SLC30A8: variants seen among roughly 807,000 people sequenced by gnomAD.
The protein encoded by SLC30A8 is solute carrier family 30 member 8.
In SLC30A8, 27 loss-of-function variants were observed where a neutral mutation model predicts 36.9. The ratio of observed to expected loss-of-function variants is 0.73; its 90% confidence interval spans 0.54 to 1.01. The LOEUF (loss-of-function observed/expected upper bound fraction) is 1.01. Among genes scored for constraint, SLC30A8 ranks in the 50% least tolerant of loss-of-function variants. SLC30A8 has a pLI of 0.00. For synonymous variants in SLC30A8, 164 were observed against 172.4 expected, an observed-to-expected ratio of 0.95 and a Z score of 0.38; for missense variants, 439 against 452.0, an observed-to-expected ratio of 0.97 and a Z score of 0.26.
At chr8:117,137,596 A>T (rs1821421700) in intron 1 of SLC30A8, among the ~76,000 whole-genome samples, 1 of 151,970 alleles carries the variant, frequency 6.6e-6, no homozygotes, top group Non-Finnish European at 1.5e-5. Context: ...AAGGTTTAAG[A>T]TGGCTTCACT....
chr8:117,071,938 C>T (rs1324630777), intron 2 of SLC30A8, among the ~76,000 whole-genome samples: 1 of 152,034 alleles, frequency 6.6e-6, no homozygotes, highest in African/African-American at 2.4e-5. Flanking sequence ...AGCCTATCTC[C>T]CACCCTTCTC....
At chr8:117,021,063 C>T (rs1816681291) in intron 1 of SLC30A8, among the ~76,000 whole-genome samples, 1 of 152,062 alleles carries the variant, frequency 6.6e-6, no homozygotes, top group Non-Finnish European at 1.5e-5. Context: ...ATTTTAGTTG[C>T]CTGTTTTTTA....
chr8:117,159,359 C>T (rs1485940085), intron 4 of SLC30A8, among the ~76,000 whole-genome samples: 1 of 152,134 alleles, frequency 6.6e-6, no homozygotes, highest in Non-Finnish European at 1.5e-5. Flanking sequence ...AAGTTTTAAA[C>T]AGTGGATTTT....
intron 2 of SLC30A8, among the ~76,000 whole-genome samples, chr8:117,098,790 G>A (rs1029309521): frequency 6.6e-6 from 1 of 152,128 alleles, no homozygotes; most frequent in African/African-American, 2.4e-5. Context: ...TAGCTCAGCA[G>A]CAAAAAAGAT....
chr8:117,089,002 T>C (rs952596809), intron 2 of SLC30A8, among the ~76,000 whole-genome samples: 2 of 152,254 alleles, frequency 1.3e-5, no homozygotes, highest in Non-Finnish European at 2.9e-5. Context: ...ATTCTTATCC[T>C]ACTTGTCCTC....
At chr8:116,988,770 T>C (rs753594994) in intron 1 of SLC30A8, among the ~76,000 whole-genome samples, 7 of 152,214 alleles carry the variant, frequency 4.6e-5, no homozygotes, top group Non-Finnish European at 1.0e-4. Context: ...GATAAGTATT[T>C]TTAGACCAGC....
rs186376627 is a variant in SLC30A8 at position 117,056,612 on chromosome 8, G to A, written c.-226+17354G>A. 2.8e-3 allele frequency among the ~76,000 whole-genome samples: 429 copies of A among 152,250 alleles called. 3 individuals are homozygous for A. The highest frequency in any genetic ancestry group is 5.0e-3 in the Non-Finnish European group (341 of 67,994). ...CCCAGGATGAGGTCTAGTTGAGAAG[G>A]GGGACCAGAGAAGTCTAACTAAAGC... On this transcript the variant is annotated intron_variant, in intron 2 of 10. Coordinates refer to the SLC30A8 transcript ENST00000427715.
intron 2 of SLC30A8, among the ~76,000 whole-genome samples, chr8:117,048,181 G>T (rs939232808): frequency 6.6e-6 from 1 of 152,170 alleles, no homozygotes. Context: ...CTCTCTTGGG[G>T]TCTGGATTGG....
intron 2 of SLC30A8, among the ~76,000 whole-genome samples, chr8:117,048,298 C>A (rs1032118561): frequency 2.0e-5 from 3 of 152,258 alleles, no homozygotes; most frequent in Non-Finnish European, 4.4e-5. Flanking sequence ...TGAATGTGTT[C>A]ATCAGATTTA....
intron 6 of SLC30A8, among the ~76,000 whole-genome samples, chr8:117,169,097 T>TAA (rs59425518): frequency 0.032 from 4,851 of 152,290 alleles, 258 homozygotes; most frequent in African/African-American, 0.11. Context: ...ATTGTATGGC[T>TAA]AATTTGAGAC....
intron 2 of SLC30A8, among the ~76,000 whole-genome samples, chr8:117,051,827 T>TA (rs915280360): frequency 1.3e-5 from 2 of 149,556 alleles, no homozygotes; most frequent in African/African-American, 2.4e-5. Context: ...TAAAAAAAAA[T>TA]AAAAAAAATA....
chr8:116,974,327 T>C (rs1054817684), intron 1 of SLC30A8, among the ~76,000 whole-genome samples: 3 of 152,106 alleles, frequency 2.0e-5, no homozygotes, highest in African/African-American at 7.2e-5. Flanking sequence ...TACAAAGAAC[T>C]TAAACAAATT....
In SLC30A8 at chr8:117,176,017, G is replaced by A. The variant is rs1480370398; in HGVS notation, c.*3336G>A. 6.6e-6 allele frequency: 1 copy of A among 152,050 alleles called. No individual in the cohort carries two copies. Among genetic ancestry groups the A allele is most frequent in the Non-Finnish European group, 1.5e-5 (1 of 67,990 alleles). The allele number at this position is 152,050 out of a possible 1,614,324, so 9.4% of individuals were successfully genotyped here. ...AGAACAACTGTCCAGTGCAATGAAG[G>A]CAAAGTCATAGGTCTCCCAAGTCTT... On this transcript the variant is annotated 3_prime_UTR_variant, in exon 8 of 8. Transcript: ENST00000456015.
At chr8:117,056,034 A>G (rs533331627) in intron 2 of SLC30A8, 20 of 152,218 alleles carry the variant, frequency 1.3e-4, no homozygotes, top group Admixed American at 6.5e-4. Context: ...TGAAACATCC[A>G]CTGTCTGTGC....
At position 117,175,659 on chromosome 8, in the gene SLC30A8, A is replaced by C. The variant is rs1823642110; in HGVS notation, c.*2978A>C. On this transcript the variant is annotated 3_prime_UTR_variant, in exon 8 of 8. Coordinates refer to ENST00000456015, the MANE Select transcript of SLC30A8 (RefSeq NM_173851.3). Reference sequence around the variant, plus strand: ...TAAAAATGTTGGAGCAGTGCATAGCATGTAGTGTTCAGTACATGTTAAATG... The same window carrying C: ...TAAAAATGTTGGAGCAGTGCATAGCCTGTAGTGTTCAGTACATGTTAAATG... 1 of 152,158 alleles carries C rather than the reference A, an allele frequency of 6.6e-6. No homozygotes were observed. Among genetic ancestry groups the C allele is most frequent in the Non-Finnish European group, 1.5e-5 (1 of 68,014 alleles). 9.4% of individuals were successfully genotyped at this position (152,158 alleles called of 1,614,324 possible). A position where few individuals can be genotyped will look rare whatever the true frequency, so the allele number is the denominator to read the frequency against.
chr8:117,082,702 T>C (rs1818715156), intron 2 of SLC30A8, among the ~76,000 whole-genome samples: 1 of 152,188 alleles, frequency 6.6e-6, no homozygotes, highest in African/African-American at 2.4e-5. Flanking sequence ...GAGAAAGCCT[T>C]AGTTTGGGAG....
In SLC30A8 at chr8:117,176,560, A is replaced by ATGTT. The variant is rs1221787821; in HGVS notation, c.*3880_*3883dup. 3.3e-5 allele frequency: 5 copies of ATGTT among 152,528 alleles called. No individual in the cohort carries two copies. The East Asian group carries it at 9.7e-4, about 29-fold the overall frequency. 9.4% of individuals were successfully genotyped at this position (152,528 alleles called of 1,614,324 possible). A position where few individuals can be genotyped will look rare whatever the true frequency, so the allele number is the denominator to read the frequency against. On this transcript the variant is annotated 3_prime_UTR_variant, in exon 8 of 8. Coordinates refer to ENST00000456015, the MANE Select transcript of SLC30A8 (RefSeq NM_173851.3). ...CCACTTAACAGTCCAGCGCAGGCGG[A>ATGTT]TGTTAAAAAAAATAAAAAGGTGACC...
chr8:116,999,818 G>T (rs1416789297), intron 1 of SLC30A8, among the ~76,000 whole-genome samples: 1 of 144,762 alleles, frequency 6.9e-6, no homozygotes, highest in Non-Finnish European at 1.5e-5. Flanking sequence ...ATAAGGAAAA[G>T]AAATTATGAA....
At chr8:116,982,178 G>A (rs560930742) in intron 1 of SLC30A8, among the ~76,000 whole-genome samples, 2 of 151,622 alleles carry the variant, frequency 1.3e-5, no homozygotes, top group East Asian at 3.9e-4. Flanking sequence ...AGTGATGTTG[G>A]CCATTCTTTC....
Sources: gnomAD v4.1 joint callset for allele counts (sites outside exome capture counted in the v4.1 genomes callset) on GRCh38, gnomAD v4.1.1 for gene constraint, MANE v1.5 for transcripts, NCBI Gene and HGNC (gene_info 2026-07-23, HGNC 2026-07-21) for gene names.